BACH2: variants seen among roughly 807,000 people sequenced by gnomAD.
BACH2 encodes BACH transcriptional regulator 2.
Under a neutral mutation model 61.8 loss-of-function variants are expected in BACH2, and 5 were observed. The observed-to-expected ratio is 0.08, with a 90% CI of 0.04 to 0.17. The LOEUF is 0.17. Among genes scored for constraint, BACH2 ranks in the 10% least tolerant of loss-of-function variants. BACH2 has a pLI of 1.00. For missense variants in BACH2, 824 were observed against 1,091.1 expected (o/e 0.76, Z 3.45); for synonymous variants, 446 against 440.1 (o/e 1.01, Z -0.17).
chr6:90,261,052 T>C lies in BACH2; in HGVS notation c.-352-8462A>G, dbSNP rs9784882. Among the ~76,000 whole-genome samples, 1,408 of 152,312 alleles carry C rather than the reference T, an allele frequency of 9.2e-3. 20 individuals carry two copies. The highest frequency in any genetic ancestry group is 0.032 in the African/African-American group (1,314 of 41,568). On this transcript the variant is annotated intron_variant, in intron 2 of 8. Transcript: ENST00000257749. ...AGGGTGGCTGCAGAGGGGCAGCAGTTGGGCCATCAGTCAACTACGCTTCTA... is the reference window on the plus strand; with the variant it reads ...AGGGTGGCTGCAGAGGGGCAGCAGTCGGGCCATCAGTCAACTACGCTTCTA...
chr6:89,981,446 C>A (rs771248470), intron 6 of BACH2, among the ~76,000 whole-genome samples: 9 of 151,976 alleles, frequency 5.9e-5, no homozygotes, highest in South Asian at 4.1e-4. Flanking sequence ...TGGCCGATTC[C>A]TGTTTTAAAC....
chr6:90,246,624 A>C (rs1770647794), intron 3 of BACH2, among the ~76,000 whole-genome samples: 1 of 152,196 alleles, frequency 6.6e-6, no homozygotes, highest in African/African-American at 2.4e-5. Flanking sequence ...AATTACCCCC[A>C]ATTCAAGAAA....
Position 90,058,656 on chromosome 6 carries a change from G to A in BACH2, c.-13+30305C>T, listed in dbSNP as rs923052980. 5.5e-4 allele frequency among the ~76,000 whole-genome samples: 84 copies of A among 152,108 alleles called. No individual in the cohort carries two copies. The East Asian group carries it at 6.0e-3, about 11-fold the overall frequency. ...TTCATATGGAACCAAAAAAGAGCCC[G>A]CATCGCCAAGTCAATCCTAAGCCAA... On this transcript the variant is annotated intron_variant, in intron 5 of 8. Transcript: ENST00000257749.
intron 4 of BACH2, among the ~76,000 whole-genome samples, chr6:90,140,819 A>G (rs1784434093): frequency 6.6e-6 from 1 of 152,248 alleles, no homozygotes; most frequent in African/African-American, 2.4e-5. Context: ...CAATGAAAGT[A>G]TTCCTGGTTG....
intron 3 of BACH2, among the ~76,000 whole-genome samples, chr6:90,209,550 T>C (rs1420849118): frequency 1.3e-5 from 2 of 152,222 alleles, no homozygotes; most frequent in Non-Finnish European, 2.9e-5. Flanking sequence ...ACTGGAAAGC[T>C]TGCCCAAATG....
At chr6:90,057,628 G>A (rs973259896) in intron 5 of BACH2, among the ~76,000 whole-genome samples, 6 of 152,116 alleles carry the variant, frequency 3.9e-5, no homozygotes, top group African/African-American at 1.4e-4. Flanking sequence ...ATTTTATGAG[G>A]CCAGCATCAT....
intron 1 of BACH2, among the ~76,000 whole-genome samples, chr6:90,282,633 G>A (rs1230329879): frequency 4.6e-5 from 7 of 151,964 alleles, no homozygotes; most frequent in Non-Finnish European, 7.4e-5. Context: ...ATGTGTCTTA[G>A]AATAATTTAT....
chr6:89,974,678 T>G (rs774143827), intron 6 of BACH2, among the ~76,000 whole-genome samples: 2 of 152,234 alleles, frequency 1.3e-5, no homozygotes, highest in Non-Finnish European at 2.9e-5. Flanking sequence ...GCCTCGCTAA[T>G]AAATCCTAAC....
At chr6:89,960,842 C>A (rs945899839) in intron 6 of BACH2, among the ~76,000 whole-genome samples, 2 of 152,190 alleles carry the variant, frequency 1.3e-5, no homozygotes, top group Admixed American at 6.5e-5. Flanking sequence ...CGTTACGTGT[C>A]CCCTCTCTGT....
chr6:90,061,265 C>T (rs1054825448), intron 5 of BACH2, among the ~76,000 whole-genome samples: 1 of 151,994 alleles, frequency 6.6e-6, no homozygotes, highest in African/African-American at 2.4e-5. Flanking sequence ...TGAAATGACT[C>T]GATATCTGAT....
Position 89,972,858 on chromosome 6 carries a change from A to C in BACH2, c.244-20996T>G, listed in dbSNP as rs141385777. Among the ~76,000 whole-genome samples the C allele has an allele frequency of 9.5e-3, 1,441 of 152,276 alleles. 14 individuals carry two copies. The highest frequency in any genetic ancestry group is 0.034 in the East Asian group (177 of 5,184). ...GTAATCCCAGCACCTTGGCAGGGTG[A>C]GGTGGGCAGATCACGAGGTCAGGAG... is the stretch of plus-strand genomic sequence containing the variant. On this transcript the variant is annotated intron_variant, in intron 6 of 8. Coordinates refer to ENST00000257749, the MANE Select transcript of BACH2 (RefSeq NM_021813.4).
chr6:89,949,731 G>A (rs369136410), intron 7 of BACH2, among the ~76,000 whole-genome samples: 7 of 152,218 alleles, frequency 4.6e-5, no homozygotes, highest in African/African-American at 1.7e-4. Flanking sequence ...GATAAACGGT[G>A]AGGCTTCCAT....
chr6:90,229,555 A>C (rs1461835451), intron 3 of BACH2, among the ~76,000 whole-genome samples: 1 of 152,242 alleles, frequency 6.6e-6, no homozygotes, highest in Admixed American at 6.5e-5. Flanking sequence ...TCAGAGTTTT[A>C]GAACCACTGT....
At chr6:90,262,601 A>C (rs1639572131) in intron 2 of BACH2, among the ~76,000 whole-genome samples, 1 of 152,180 alleles carries the variant, frequency 6.6e-6, no homozygotes, top group Non-Finnish European at 1.5e-5. Context: ...GCCTCACAAA[A>C]TTTGCCTCTG....
Position 90,100,708 on chromosome 6 carries a change from C to G in BACH2, c.-161-11599G>C, listed in dbSNP as rs989222693. On this transcript the variant is annotated intron_variant, in intron 4 of 8. Coordinates refer to ENST00000257749, the MANE Select transcript of BACH2 (RefSeq NM_021813.4). ...CTCTACACACACACACACAGACACA[C>G]ACACACACACACACACACAGACACA... Among the ~76,000 whole-genome samples the G allele has an allele frequency of 1.3e-3, 181 of 143,306 alleles. 2 individuals carry two copies. The highest frequency in any genetic ancestry group is 4.8e-3 in the African/African-American group (173 of 35,680). 94.0% of individuals were successfully genotyped at this position (143,306 alleles called of 152,430 possible).
intron 6 of BACH2, among the ~76,000 whole-genome samples, chr6:89,979,535 A>G (rs901742625): frequency 1.3e-5 from 2 of 152,168 alleles, no homozygotes; most frequent in African/African-American, 4.8e-5. Context: ...GCCATTTCCC[A>G]TCTACTGAAA....
chr6:89,996,025 C>CA (rs908328711), intron 6 of BACH2, among the ~76,000 whole-genome samples: 1 of 152,096 alleles, frequency 6.6e-6, no homozygotes, highest in Admixed American at 6.6e-5. Context: ...GCCCCTGCCC[C>CA]TTTTTTTTCC....
At chr6:90,235,499 A>G (rs1770230656) in intron 3 of BACH2, among the ~76,000 whole-genome samples, 1 of 152,184 alleles carries the variant, frequency 6.6e-6, no homozygotes, top group Non-Finnish European at 1.5e-5. Flanking sequence ...GGATGTTGTA[A>G]AAGTCAGTGA....
rs1029417313 is a variant in BACH2, at chr6:90,053,350, G to A, written c.-13+35611C>T. Among the ~76,000 whole-genome samples the A allele has an allele frequency of 1.4e-4, 21 of 152,056 alleles. 1 individual carries two copies. Among genetic ancestry groups the A allele is most frequent in the African/African-American group, 4.6e-4 (19 of 41,346 alleles). ...GCTGGAGTACAGTGGTGTGATCAAG[G>A]CTCACTGCAGTCTTCAACTCCTGTG... is the stretch of plus-strand genomic sequence containing the variant. On this transcript the variant is annotated intron_variant, in intron 5 of 8. Transcript: ENST00000257749.
Sources: allele counts gnomAD v4.1 joint callset (sites outside exome capture counted in the v4.1 genomes callset), GRCh38; gene constraint gnomAD v4.1.1; transcripts MANE v1.5; gene names NCBI Gene and HGNC (gene_info 2026-07-23, HGNC 2026-07-21).